Variants in YME1L1 observed in about 807,000 individuals in gnomAD.
The protein encoded by YME1L1 is YME1 like 1 ATPase, also known as ATP-dependent zinc metalloprotease YME1L1.
A neutral mutation model predicts 90.4 loss-of-function variants in YME1L1; 39 were observed. That is an observed-to-expected ratio of 0.43 (90% CI 0.33 to 0.56). YME1L1 has a LOEUF of 0.56. Among genes scored for constraint, YME1L1 ranks in the 20% least tolerant of loss-of-function variants. The probability of loss-of-function intolerance (pLI) is 0.03; values close to 1 mark genes in which losing one functional copy is unlikely to be tolerated. For synonymous variants in YME1L1, 284 were observed against 287.3 expected, an observed-to-expected ratio of 0.99 and a Z score of 0.12; for missense variants, 617 against 868.4, an observed-to-expected ratio of 0.71 and a Z score of 3.64.
intron 1 of YME1L1, among the ~76,000 whole-genome samples, chr10:27,149,711 CAAAAAAAAA>C (rs58900380): frequency 7.4e-4 from 24 of 32,372 alleles, no homozygotes; most frequent in African/African-American, 1.8e-3. Context: ...ACCTGTCTCT[CAAAAAAAAA>C]AAAAAAAAAA....
chr10:27,115,698 A>G (rs2056805870), intron 17 of YME1L1, among the ~76,000 whole-genome samples: 1 of 152,170 alleles, frequency 6.6e-6, no homozygotes, highest in Non-Finnish European at 1.5e-5. Flanking sequence ...TAATTCACAG[A>G]GTATAGTAGT....
At chr10:27,143,885 G>A (rs574704321) in intron 3 of YME1L1, among the ~76,000 whole-genome samples, 1 of 152,084 alleles carries the variant, frequency 6.6e-6, no homozygotes, top group African/African-American at 2.4e-5. Flanking sequence ...TGGGTAAAAA[G>A]AAAGGTCAAG....
rs540891277 is a variant in YME1L1 at position 27,133,421 on chromosome 10, T to C, written c.775+618A>G. Among the ~76,000 whole-genome samples the C allele has an allele frequency of 5.9e-5, 9 of 152,280 alleles. No individual in the cohort carries two copies. The East Asian group carries it at 7.7e-4, about 13-fold the overall frequency. On this transcript the variant is annotated intron_variant, in intron 7 of 18. Transcript: ENST00000376016. The stretch of plus-strand genomic sequence containing the variant: ...GAAGAAGCCCAAAATACTGTTAAGA[T>C]AGGCTGAAAAATGAGCTGGCAAAAT...
At chr10:27,141,829 T>C (rs11015566) in intron 4 of YME1L1, among the ~76,000 whole-genome samples, 36,633 of 152,036 alleles carry the variant, frequency 0.24, 4,970 homozygotes, top group East Asian at 0.56. Context: ...ACAGAAGTAC[T>C]CACCTCTTTC....
At position 27,119,473 on chromosome 10, in the gene YME1L1, G is replaced by A. The variant is rs146083782; in HGVS notation, c.1412-24C>T. 7.2e-5 allele frequency: 114 copies of A among 1,593,776 alleles called. 1 individual carries two copies. In the East Asian group the frequency reaches 1.6e-3, roughly 23 times the overall value. ...GGCTAATGTAAAAAGAGAACACAAC[G>A]CTAATAAGTCTAAAACAGGTAAAAG... On this transcript the variant is annotated intron_variant, in intron 13 of 18. Coordinates refer to ENST00000376016, the MANE Select transcript of YME1L1 (RefSeq NM_014263.4).
At position 27,121,467 on chromosome 10, in the gene YME1L1, A is replaced by G. The variant is rs1324015993; in HGVS notation, c.1236-19T>C. 4.6e-6 allele frequency: 7 copies of G among 1,519,952 alleles called. No homozygotes were observed. In the African/African-American group the frequency reaches 9.6e-5, roughly 21 times the overall value. 94.2% of individuals were successfully genotyped at this position (1,519,952 alleles called of 1,614,324 possible). On this transcript the variant is annotated intron_variant, in intron 11 of 18. Transcript: ENST00000376016. ...TTTAAAACTATATTGGAAAAAAAAT[A>G]GTATCTTTTACTAACACTGAAGCAC...
At chr10:27,147,726 T>TC in intron 2 of YME1L1, 1 of 1,545,408 alleles carries the variant, frequency 6.5e-7, no homozygotes, top group East Asian at 2.4e-5. Flanking sequence ...CAAGTTCCTG[T>TC]CTGTAACACC....
At chr10:27,130,312 T>C (rs1186046339) in intron 8 of YME1L1, among the ~76,000 whole-genome samples, 1 of 152,174 alleles carries the variant, frequency 6.6e-6, no homozygotes, top group Non-Finnish European at 1.5e-5. Context: ...TTCAAGTAAG[T>C]GCTCTGTAAC....
intron 7 of YME1L1, 149 bp from the exon 8 acceptor site, chr10:27,132,090 T>G: frequency 4.9e-6 from 3 of 607,802 alleles, no homozygotes; most frequent in Non-Finnish European, 8.5e-6. Flanking sequence ...GAATAGAAAC[T>G]AGGTCTTCTG....
intron 1 of YME1L1, among the ~76,000 whole-genome samples, chr10:27,151,796 GC>G (rs1459922994): frequency 6.6e-6 from 1 of 152,020 alleles, no homozygotes; most frequent in Non-Finnish European, 1.5e-5. Context: ...CAGGAGAATG[GC>G]GTGAACCTGG....
chr10:27,142,173 G>C (rs1002860831), intron 4 of YME1L1, among the ~76,000 whole-genome samples: 1 of 152,036 alleles, frequency 6.6e-6, no homozygotes, highest in African/African-American at 2.4e-5. Context: ...CCTGGAGTTT[G>C]ATTTATTGTG....
intron 4 of YME1L1, among the ~76,000 whole-genome samples, chr10:27,141,137 G>C (rs899287069): frequency 4.6e-5 from 7 of 152,124 alleles, no homozygotes; most frequent in Admixed American, 2.6e-4. Context: ...GGCTCATGCT[G>C]TCATCCCAAC....
intron 6 of YME1L1, among the ~76,000 whole-genome samples, chr10:27,134,444 A>G (rs2057006100): frequency 6.6e-6 from 1 of 152,174 alleles, no homozygotes; most frequent in African/African-American, 2.4e-5. Flanking sequence ...GCGTGGTGGC[A>G]CATGCCTGTG....
intron 2 of YME1L1, chr10:27,146,371 A>G (rs534849289): frequency 6.6e-6 from 1 of 152,324 alleles, no homozygotes; most frequent in African/African-American, 2.4e-5. Context: ...AAGTCTAAAA[A>G]TCACAAAAAT....
In YME1L1 at chr10:27,142,390, GC is replaced by G; in HGVS notation, c.426del (p.Trp142CysfsTer13). 6.8e-7 allele frequency: 1 copy of G among 1,461,780 alleles called. No homozygotes were observed. The highest frequency in any genetic ancestry group is 1.5e-5 in the African/African-American group (1 of 68,598). 90.6% of individuals were successfully genotyped at this position (1,461,780 alleles called of 1,614,324 possible). A position where few individuals can be genotyped will look rare whatever the true frequency, so the allele number is the denominator to read the frequency against. Reference protein sequence around the residue: ...LQSICSDLQYWPVFIQSRGFK... With the variant: ...LQSICSDLQYXPVFIQSRGFK... ...ATTTATGGTTGTTGCTTCATACCTG[GC>G]CAGTACTGAAGATCTGAACAAATGC... is the stretch of plus-strand genomic sequence containing the variant. On this transcript the variant is annotated frameshift_variant, in exon 4 of 19. Coordinates refer to ENST00000376016, the MANE Select transcript of YME1L1 (RefSeq NM_014263.4). LOFTEE classifies it high-confidence loss of function.
At chr10:27,128,687 T>C (rs2056945049) in intron 8 of YME1L1, among the ~76,000 whole-genome samples, 1 of 151,914 alleles carries the variant, frequency 6.6e-6, no homozygotes, top group Admixed American at 6.6e-5. Flanking sequence ...GGTGGATCAC[T>C]TGAGCTCAGG....
Position 27,154,268 on chromosome 10 carries a change from G to C in YME1L1, c.-58C>G, listed in dbSNP as rs2057284719. On this transcript the variant is annotated 5_prime_UTR_variant, in exon 1 of 19. Coordinates refer to ENST00000376016, the MANE Select transcript of YME1L1 (RefSeq NM_014263.4). ...GCCGAAACTGTGCCCCTCTGTCCAC[G>C]GCCCGGCGGGGAGGCGCTGAGCCCT... 6 of 1,559,908 alleles carry C rather than the reference G, an allele frequency of 3.8e-6. No individual in the cohort carries two copies. The African/African-American group carries it at 5.4e-5, about 14-fold the overall frequency.
intron 15 of YME1L1, 79 bp downstream of exon 15, chr10:27,117,497 G>A: frequency 1.4e-6 from 2 of 1,442,446 alleles, no homozygotes; most frequent in East Asian, 4.6e-5. Context: ...GAATCCGGAA[G>A]GCAGAGGTTG....
intron 1 of YME1L1, among the ~76,000 whole-genome samples, chr10:27,150,913 CTCTCGCCTT>C (rs2057205537): frequency 1.4e-5 from 2 of 146,380 alleles, no homozygotes; most frequent in African/African-American, 5.0e-5. Flanking sequence ...TTTATAGACT[CTCTCGCCTT>C]TTTTTTTTTT....
Sources: allele counts gnomAD v4.1 joint callset (sites outside exome capture counted in the v4.1 genomes callset), GRCh38; gene constraint gnomAD v4.1.1; transcripts MANE v1.5; gene names NCBI Gene and HGNC (gene_info 2026-07-23, HGNC 2026-07-21).